Variants in NXPH1 observed in about 807,000 individuals in gnomAD.
NXPH1 encodes the protein neurexophilin 1.
In NXPH1, 5 loss-of-function variants were observed where a neutral mutation model predicts 23.7. The ratio of observed to expected loss-of-function variants is 0.21; its 90% CI spans 0.11 to 0.44. The LOEUF (loss-of-function observed/expected upper bound fraction) is 0.44, where lower values mean the gene tolerates loss of function less well. Among genes scored for constraint, NXPH1 ranks in the 20% least tolerant of loss-of-function variants. The pLI is 0.99. For missense variants in NXPH1, 324 were observed against 321.6 expected (o/e 1.01, Z -0.06); for synonymous variants, 144 against 122.2 (o/e 1.18, Z -1.18).
intron 2 of NXPH1, among the ~76,000 whole-genome samples, chr7:8,578,160 A>G (rs1378700175): frequency 6.6e-6 from 1 of 152,158 alleles, no homozygotes; most frequent in African/African-American, 2.4e-5. Flanking sequence ...ACCTGAAGGT[A>G]TTATTCTCCC....
At chr7:8,568,508 CT>C (rs1818587541) in intron 2 of NXPH1, among the ~76,000 whole-genome samples, 1 of 151,468 alleles carries the variant, frequency 6.6e-6, no homozygotes, top group African/African-American at 2.4e-5. Flanking sequence ...TTTTTTGTTT[CT>C]TTTCACAGCA....
intron 2 of NXPH1, among the ~76,000 whole-genome samples, chr7:8,582,472 G>A (rs1818898180): frequency 6.6e-6 from 1 of 152,168 alleles, no homozygotes; most frequent in Non-Finnish European, 1.5e-5. Context: ...CTTGGAGCAT[G>A]TAGCTCCTTT....
chr7:8,460,008 A>T (rs117764352), intron 2 of NXPH1, among the ~76,000 whole-genome samples: 3 of 152,280 alleles, frequency 2.0e-5, no homozygotes, highest in African/African-American at 7.2e-5. Flanking sequence ...TTACATTTCA[A>T]TGTGTGACCT....
chr7:8,551,139 A>T (rs1380544519), intron 2 of NXPH1, among the ~76,000 whole-genome samples: 2 of 151,532 alleles, frequency 1.3e-5, no homozygotes, highest in African/African-American at 2.4e-5. Flanking sequence ...TCCTCAAAAA[A>T]TTAAAGATTA....
rs1817994313 is a variant in NXPH1, at chr7:8,534,333, A to C, written c.54+98566A>C. Among the ~76,000 whole-genome samples, 3 of 152,282 alleles carry C rather than the reference A, an allele frequency of 2.0e-5. No individual in the cohort carries two copies. In the South Asian group the frequency reaches 6.2e-4, roughly 32 times the overall value. ...ACTGGAAACATTCCATTTTCTAATAAAGTGATTACTAAATTTTAAAAAATA... is the reference window on the plus strand; with the variant it reads ...ACTGGAAACATTCCATTTTCTAATACAGTGATTACTAAATTTTAAAAAATA... On this transcript the variant is annotated intron_variant, in intron 2 of 2. Coordinates refer to ENST00000405863, the MANE Select transcript of NXPH1 (RefSeq NM_152745.3).
intron 2 of NXPH1, among the ~76,000 whole-genome samples, chr7:8,701,091 A>C (rs748642389): frequency 1.3e-5 from 2 of 151,960 alleles, no homozygotes; most frequent in Non-Finnish European, 2.9e-5. Context: ...CCTTTTATTC[A>C]TATTCATATT....
At chr7:8,478,236 G>A (rs1345006502) in intron 2 of NXPH1, among the ~76,000 whole-genome samples, 3 of 152,064 alleles carry the variant, frequency 2.0e-5, no homozygotes, top group Non-Finnish European at 4.4e-5. Context: ...TTCTTCTACA[G>A]TAGGTTTCTT....
chr7:8,478,817 A>G (rs755583207), intron 2 of NXPH1, among the ~76,000 whole-genome samples: 1 of 152,112 alleles, frequency 6.6e-6, no homozygotes, highest in Admixed American at 6.5e-5. Context: ...GCAATTCTTT[A>G]TAACAGAACA....
chr7:8,460,298 G>A (rs1219090361), intron 2 of NXPH1, among the ~76,000 whole-genome samples: 2 of 151,998 alleles, frequency 1.3e-5, no homozygotes, highest in Non-Finnish European at 2.9e-5. Flanking sequence ...TCTCCCTAAT[G>A]GCCTTAGACT....
chr7:8,605,021 G>C (rs549333515), intron 2 of NXPH1, among the ~76,000 whole-genome samples: 3 of 152,156 alleles, frequency 2.0e-5, no homozygotes, highest in South Asian at 2.1e-4. Context: ...CTAATTGTCA[G>C]AACTGCGTAC....
chr7:8,695,234 A>T (rs181680369), intron 2 of NXPH1, among the ~76,000 whole-genome samples: 20 of 152,262 alleles, frequency 1.3e-4, no homozygotes, highest in Admixed American at 7.9e-4. Context: ...TAGGTCTTTG[A>T]AGTTTACTGT....
At chr7:8,513,214 G>A (rs905728431) in intron 2 of NXPH1, among the ~76,000 whole-genome samples, 6 of 152,106 alleles carry the variant, frequency 3.9e-5, no homozygotes, top group African/African-American at 1.4e-4. Context: ...ACAGGTGGAT[G>A]AGGATGCAAA....
chr7:8,555,326 G>T (rs939076157), intron 2 of NXPH1, among the ~76,000 whole-genome samples: 3 of 151,648 alleles, frequency 2.0e-5, no homozygotes, highest in African/African-American at 7.3e-5. Flanking sequence ...ATTTTGAAGT[G>T]TGTCTCTTTG....
At chr7:8,709,947 T>C (rs1327047605) in intron 2 of NXPH1, among the ~76,000 whole-genome samples, 1 of 152,154 alleles carries the variant, frequency 6.6e-6, no homozygotes, top group Non-Finnish European at 1.5e-5. Context: ...CTGAATAATT[T>C]TATGACCAGT....
chr7:8,656,653 A>G (rs1190008929), intron 2 of NXPH1, among the ~76,000 whole-genome samples: 2 of 151,890 alleles, frequency 1.3e-5, no homozygotes, highest in Non-Finnish European at 2.9e-5. Flanking sequence ...CTAACTCGTC[A>G]TCTAGCATTA....
chr7:8,721,763 C>T (rs898316741), intron 2 of NXPH1, among the ~76,000 whole-genome samples: 22 of 152,162 alleles, frequency 1.4e-4, no homozygotes, highest in East Asian at 1.2e-3. Flanking sequence ...GGCAACATAG[C>T]GAGACTCTGT....
At chr7:8,653,422 T>C (rs954350312) in intron 2 of NXPH1, among the ~76,000 whole-genome samples, 2 of 152,200 alleles carry the variant, frequency 1.3e-5, no homozygotes, top group East Asian at 1.9e-4. Flanking sequence ...GTGATTTCTA[T>C]AGCGCTCGTA....
chr7:8,654,632 A>G (rs931245683), intron 2 of NXPH1, among the ~76,000 whole-genome samples: 1 of 152,172 alleles, frequency 6.6e-6, no homozygotes, highest in Non-Finnish European at 1.5e-5. Flanking sequence ...GCATGTGGCA[A>G]TAGTCACAAT....
At chr7:8,739,637 A>C (rs1442066227) in intron 2 of NXPH1, among the ~76,000 whole-genome samples, 1 of 152,130 alleles carries the variant, frequency 6.6e-6, no homozygotes, top group East Asian at 1.9e-4. Flanking sequence ...CTTTCTTTAA[A>C]ATAACCTTAG....
Sources: allele counts gnomAD v4.1 joint callset (sites outside exome capture counted in the v4.1 genomes callset), GRCh38; gene constraint gnomAD v4.1.1; transcripts MANE v1.5; gene names NCBI Gene and HGNC (gene_info 2026-07-23, HGNC 2026-07-21).